Variants in HS6ST3 observed in about 807,000 individuals in gnomAD.
HS6ST3 encodes heparan-sulfate 6-O-sulfotransferase 3.
A neutral mutation model predicts 36.7 loss-of-function variants in HS6ST3; 12 were observed. The ratio of observed to expected loss-of-function variants is 0.33; its 90% CI spans 0.21 to 0.53. HS6ST3 has a LOEUF of 0.53. HS6ST3 is among the 20% of genes least tolerant of loss of function. The pLI is 0.95. For synonymous variants in HS6ST3, 240 were observed against 257.5 expected, an observed-to-expected ratio of 0.93 and a Z score of 0.65; for missense variants, 584 against 640.9, an observed-to-expected ratio of 0.91 and a Z score of 0.96.
intron 1 of HS6ST3, among the ~76,000 whole-genome samples, chr13:96,275,856 T>TC (rs373343350): frequency 5.3e-3 from 207 of 38,824 alleles, no homozygotes; most frequent in African/African-American, 8.9e-3. Flanking sequence ...TCTGTCTCTC[T>TC]TTTTTTTTTT....
chr13:96,429,645 TC>T (rs1210149540), intron 1 of HS6ST3, among the ~76,000 whole-genome samples: 1 of 152,204 alleles, frequency 6.6e-6, no homozygotes, highest in African/African-American at 2.4e-5. Context: ...TTATTTGAAG[TC>T]CAGAGAAATT....
At chr13:96,678,003 T>C (rs2056705152) in intron 1 of HS6ST3, among the ~76,000 whole-genome samples, 1 of 152,096 alleles carries the variant, frequency 6.6e-6, no homozygotes, top group Non-Finnish European at 1.5e-5. Flanking sequence ...TAATTTATAA[T>C]CAATAGAAAT....
chr13:96,437,212 G>C (rs1488879002), intron 1 of HS6ST3, among the ~76,000 whole-genome samples: 1 of 152,148 alleles, frequency 6.6e-6, no homozygotes, highest in Non-Finnish European at 1.5e-5. Flanking sequence ...TGCACATCCA[G>C]ATCAGGCCCA....
At chr13:96,584,499 G>A (rs1057444059) in intron 1 of HS6ST3, among the ~76,000 whole-genome samples, 1 of 152,136 alleles carries the variant, frequency 6.6e-6, no homozygotes, top group Non-Finnish European at 1.5e-5. Context: ...AGAAGATTTG[G>A]TCTGTTTTCT....
At chr13:96,495,795 A>G (rs1252245481) in intron 1 of HS6ST3, among the ~76,000 whole-genome samples, 1 of 152,290 alleles carries the variant, frequency 6.6e-6, no homozygotes, top group South Asian at 2.1e-4. Flanking sequence ...CTAATACTAG[A>G]TTTGCAAAAC....
chr13:96,629,004 A>G (rs2056522748), intron 1 of HS6ST3, among the ~76,000 whole-genome samples: 1 of 151,824 alleles, frequency 6.6e-6, no homozygotes, highest in South Asian at 2.1e-4. Context: ...ATTTTCTGTC[A>G]TGTCTTGTTT....
At chr13:96,631,726 A>T (rs2056532638) in intron 1 of HS6ST3, among the ~76,000 whole-genome samples, 1 of 152,236 alleles carries the variant, frequency 6.6e-6, no homozygotes, top group East Asian at 1.9e-4. Context: ...TCTCCAAGTA[A>T]TATTGCAAAA....
intron 1 of HS6ST3, among the ~76,000 whole-genome samples, chr13:96,768,434 A>G (rs187920542): frequency 3.3e-5 from 5 of 152,276 alleles, no homozygotes; most frequent in Admixed American, 2.6e-4. Flanking sequence ...TTAGCAAATG[A>G]TCACAAACTC....
At chr13:96,675,137 A>T (rs1213143039) in intron 1 of HS6ST3, among the ~76,000 whole-genome samples, 8 of 152,132 alleles carry the variant, frequency 5.3e-5, no homozygotes, top group Non-Finnish European at 8.8e-5. Context: ...AAGAATGCGA[A>T]CAGAAACGAA....
At chr13:96,685,862 C>G (rs926193848) in intron 1 of HS6ST3, among the ~76,000 whole-genome samples, 1 of 151,968 alleles carries the variant, frequency 6.6e-6, no homozygotes, top group African/African-American at 2.4e-5. Flanking sequence ...CACTTTCATT[C>G]CCTGACAAAT....
At chr13:96,145,627 T>G (rs1183898182) in intron 1 of HS6ST3, among the ~76,000 whole-genome samples, 4 of 152,158 alleles carry the variant, frequency 2.6e-5, no homozygotes, top group African/African-American at 9.6e-5. Flanking sequence ...GATGGTGGTT[T>G]CTTTTGCTGT....
At position 96,091,215 on chromosome 13, in the gene HS6ST3, G is replaced by A. The variant is rs1318837136; in HGVS notation, c.353G>A (p.Gly118Asp). 3 of 1,571,210 alleles carry A rather than the reference G, an allele frequency of 1.9e-6. No homozygotes were observed. The Admixed American group carries it at 5.6e-5, about 29-fold the overall frequency. ...CCGGACCCCGAGGCCCCGGAAAACG[G>A]CTCCCTGCCCCGATTCGTGCCGCGC... The part of the protein sequence containing the change: ...DEPDPEAPEN[G>D]SLPRFVPRFN... The change falls in exon 1 of 2, where the codon GGC becomes GAC. Residue 118 changes from glycine to aspartate, a missense_variant. Coordinates refer to ENST00000376705, the MANE Select transcript of HS6ST3 (RefSeq NM_153456.4).
At chr13:96,690,480 T>G (rs1874925778) in intron 1 of HS6ST3, among the ~76,000 whole-genome samples, 1 of 152,118 alleles carries the variant, frequency 6.6e-6, no homozygotes, top group African/African-American at 2.4e-5. Flanking sequence ...TAAATACACA[T>G]AGACTTCTCT....
intron 1 of HS6ST3, among the ~76,000 whole-genome samples, chr13:96,336,645 T>A (rs1326143958): frequency 2.0e-5 from 3 of 152,206 alleles, no homozygotes; most frequent in Non-Finnish European, 4.4e-5. Context: ...CAACCCTGCC[T>A]ACACTTTGAT....
intron 1 of HS6ST3, among the ~76,000 whole-genome samples, chr13:96,202,717 A>G (rs995884837): frequency 7.9e-5 from 12 of 152,268 alleles, no homozygotes; most frequent in African/African-American, 2.9e-4. Flanking sequence ...TTAGGAACCC[A>G]TCTCACAGGT....
intron 1 of HS6ST3, among the ~76,000 whole-genome samples, chr13:96,588,111 C>T (rs1399195371): frequency 6.6e-6 from 1 of 150,834 alleles, no homozygotes; most frequent in Non-Finnish European, 1.5e-5. Context: ...ATGCTACTAC[C>T]TTACTGAATT....
At chr13:96,512,627 C>T (rs1196645882) in intron 1 of HS6ST3, among the ~76,000 whole-genome samples, 1 of 152,014 alleles carries the variant, frequency 6.6e-6, no homozygotes, top group East Asian at 1.9e-4. Context: ...TTTTAACTTG[C>T]TACACATTTA....
chr13:96,191,460 G>A lies in HS6ST3; in HGVS notation c.707+99891G>A, dbSNP rs548456743. Among the ~76,000 whole-genome samples the A allele has an allele frequency of 5.3e-5, 8 of 152,184 alleles. No individual in the cohort carries two copies. The East Asian group carries it at 1.2e-3, about 22-fold the overall frequency. On this transcript the variant is annotated intron_variant, in intron 1 of 1. Coordinates refer to ENST00000376705, the MANE Select transcript of HS6ST3 (RefSeq NM_153456.4). ...ATGACTAGGAGTGCTTAATTTTTGTGCATTCTGTTTCTTCTCCATTCCTGC... is the reference window on the plus strand; with the variant it reads ...ATGACTAGGAGTGCTTAATTTTTGTACATTCTGTTTCTTCTCCATTCCTGC...
intron 1 of HS6ST3, among the ~76,000 whole-genome samples, chr13:96,558,488 G>A (rs2138953518): frequency 6.6e-6 from 1 of 152,300 alleles, no homozygotes; most frequent in South Asian, 2.1e-4. Flanking sequence ...TGAGCTATAA[G>A]AGGTTCATTT....
Sources: allele counts gnomAD v4.1 joint callset (sites outside exome capture counted in the v4.1 genomes callset), GRCh38; gene constraint gnomAD v4.1.1; transcripts MANE v1.5; gene names NCBI Gene and HGNC (gene_info 2026-07-23, HGNC 2026-07-21).